Variants in TNC observed in about 807,000 individuals in gnomAD.
The protein encoded by TNC is tenascin.
A neutral mutation model predicts 202.4 loss-of-function variants in TNC; 109 were observed. The ratio of observed to expected loss-of-function variants is 0.54; its 90% CI spans 0.46 to 0.63. The LOEUF (loss-of-function observed/expected upper bound fraction) is 0.63, where lower values mean the gene tolerates loss of function less well. Ranked by LOEUF, TNC falls within the 30% of genes least tolerant of loss-of-function variation. The probability of loss-of-function intolerance (pLI) is 0.00; values close to 1 mark genes in which losing one functional copy is unlikely to be tolerated. For missense variants in TNC, 2,756 were observed against 2,833.3 expected (o/e 0.97, Z 0.62); for synonymous variants, 1,007 against 1,089.7 (o/e 0.92, Z 1.50).
rs140758879 is a variant in TNC at position 115,039,131 on chromosome 9, C to G, written c.5393-751G>C. Among the ~76,000 whole-genome samples the G allele has an allele frequency of 5.3e-3, 800 of 152,272 alleles. 8 individuals carry two copies. The highest frequency in any genetic ancestry group is 0.018 in the African/African-American group (753 of 41,576). On this transcript the variant is annotated intron_variant, in intron 19 of 27. Transcript: ENST00000350763. ...AGGCGTGAGTCACCGCACCTGGCCC[C>G]GAGCCTTTTCTGAGCTTTGAGTGGT...
chr9:115,111,418 T>TC (rs2134349400), intron 1 of TNC, among the ~76,000 whole-genome samples: 1 of 136,142 alleles, frequency 7.3e-6, no homozygotes, highest in Admixed American at 7.4e-5. Context: ...TTTTTTTTTT[T>TC]TTTTTTTGAG....
chr9:115,050,721 C>T (rs1221704248), intron 15 of TNC, among the ~76,000 whole-genome samples: 1 of 152,152 alleles, frequency 6.6e-6, no homozygotes, highest in Non-Finnish European at 1.5e-5. Flanking sequence ...AAGAACCTAG[C>T]ATGTATAAAA....
At chr9:115,040,821 C>G in intron 19 of TNC, 120 bp downstream of exon 19, 1 of 1,326,908 alleles carries the variant, frequency 7.5e-7, no homozygotes, top group Non-Finnish European at 1.0e-6. Context: ...TAAAACCCCC[C>G]TTTTTTTCCA....
chr9:115,043,819 C>T (rs548106034), intron 17 of TNC, among the ~76,000 whole-genome samples: 29 of 152,322 alleles, frequency 1.9e-4, no homozygotes, highest in African/African-American at 6.0e-4. Context: ...CTGGTGTACT[C>T]GCACTATTGC....
chr9:115,042,195 C>G (rs1402066792), intron 18 of TNC, 24 bp downstream of exon 18: 2 of 1,611,764 alleles, frequency 1.2e-6, no homozygotes, highest in African/African-American at 1.3e-5. Flanking sequence ...CTCCTCCTCT[C>G]TCTCCCCTTT....
chr9:115,046,633 G>A lies in TNC; in HGVS notation c.4902C>T (p.Asp1634=), dbSNP rs761059514. The A allele has an allele frequency of 2.5e-6, 4 of 1,613,732 alleles. No homozygotes were observed. The highest frequency in any genetic ancestry group is 2.7e-5 in the African/African-American group (2 of 74,876). ...CAGCTGTCCAGGACAGACGGAAACCGTCTGGGGTGGCATCTGAAACCAGAA... is the reference window on the plus strand; with the variant it reads ...CAGCTGTCCAGGACAGACGGAAACCATCTGGGGTGGCATCTGAAACCAGAA... ...DNLLVSDATP[D]GFRLSWTADE... is the part of the protein sequence containing the mutation. The change falls in exon 17 of 28, where the codon GAC becomes GAT. Residue 1634 remains aspartate (D), a synonymous_variant. Coordinates refer to ENST00000350763, the MANE Select transcript of TNC (RefSeq NM_002160.4).
At chr9:115,031,923 A>G (rs753208509) in intron 22 of TNC, among the ~76,000 whole-genome samples, 6 of 152,168 alleles carry the variant, frequency 3.9e-5, no homozygotes, top group Non-Finnish European at 5.9e-5. Flanking sequence ...AGTTAAAATA[A>G]TATAAGGAGG....
chr9:115,085,857 C>A lies in TNC; in HGVS notation c.1867+7G>T. On this transcript the variant is annotated splice_region_variant and intron_variant, in intron 3 of 27. Transcript: ENST00000350763. ...CATTATATGCTGGTCTGCGCCCTGG[C>A]ACTCACCCTCTGAGCAGTCTTCTCC... is the stretch of plus-strand genomic sequence containing the variant. 1 of 1,597,928 alleles carries A rather than the reference C, an allele frequency of 6.3e-7. No homozygotes were observed. The highest frequency in any genetic ancestry group is 8.6e-7 in the Non-Finnish European group (1 of 1,167,636).
chr9:115,108,345 C>A (rs1171056274), intron 1 of TNC, among the ~76,000 whole-genome samples: 3 of 152,162 alleles, frequency 2.0e-5, no homozygotes, highest in Non-Finnish European at 2.9e-5. Context: ...GAAAGTTGAA[C>A]AGATTAATTA....
chr9:115,108,234 A>G (rs928456072), intron 1 of TNC, among the ~76,000 whole-genome samples: 6 of 152,208 alleles, frequency 3.9e-5, no homozygotes, highest in Admixed American at 1.3e-4. Context: ...TTTAAAATCT[A>G]TGAAGCCTTG....
rs750051489 is a variant in TNC at position 115,024,063 on chromosome 9, G to C, written c.6405C>G (p.Asn2135Lys). 3 of 1,614,078 alleles carry C rather than the reference G, an allele frequency of 1.9e-6. No homozygotes were observed. The Admixed American group carries it at 5.0e-5, about 27-fold the overall frequency. ...AAGCCCCTTTGTAGGACAGAGCACA[G>C]TTGGTGATGGCTGAATCTGTGTCCT... ...FDKDTDSAIT[N>K]CALSYKGAFW... Residue 2135 changes from asparagine (N) to lysine (K), a missense_variant, in exon 27 of 28, where the codon AAC becomes AAG. This residue lies in a region of TNC where 197 missense variants were observed against 287.3 expected (regional missense o/e 0.69). Transcript: ENST00000350763.
In TNC at chr9:115,046,520, TC is replaced by T; in HGVS notation, c.5014del (p.Glu1672AsnfsTer6). 1 of 1,614,166 alleles carries T rather than the reference TC, an allele frequency of 6.2e-7. No homozygotes were observed. The highest frequency in any genetic ancestry group is 8.5e-7 in the Non-Finnish European group (1 of 1,180,006). ...GAGACCTGTTATGTCCCTGGTACGT[TC>T]GGGGGCAAGTAGGGTTATTTCCAGT... ...EPLEITLLAP[E>X]RTRDITGLRE... On this transcript the variant is annotated frameshift_variant, in exon 17 of 28. Coordinates refer to ENST00000350763, the MANE Select transcript of TNC (RefSeq NM_002160.4). LOFTEE classifies it high-confidence loss of function.
Position 115,062,958 on chromosome 9 carries a change from C to T in TNC, c.3992G>A (p.Arg1331Lys). The T allele has an allele frequency of 6.2e-7, 1 of 1,613,994 alleles. No individual in the cohort carries two copies. The highest frequency in any genetic ancestry group is 8.5e-7 in the Non-Finnish European group (1 of 1,179,958). The change falls in exon 13 of 28, where the codon AGG (arginine) becomes AAG (lysine). Residue 1331 changes from arginine to lysine, a missense_variant. By Grantham distance (26) the Arg-to-Lys change is conservative. This residue lies in a region of TNC where 2,559 missense variants were observed against 2,546.0 expected (regional missense o/e 1.01). Transcript: ENST00000350763. ...PYTVTLHGEV[R>K]GHSTRPLAVE... ...AGCAAGGGGTCGAGTGCTGTGGCCC[C>T]TGACCTCGCCGTGCAGGGTGACTGT...
At position 115,073,813 on chromosome 9, in the gene TNC, T is replaced by G; in HGVS notation, c.3004A>C (p.Thr1002Pro). 1 of 1,613,694 alleles carries G rather than the reference T, an allele frequency of 6.2e-7. No individual in the cohort carries two copies. Among genetic ancestry groups the G allele is most frequent in the Non-Finnish European group, 8.5e-7 (1 of 1,180,000 alleles). ...QVSETAETSL[T>P]LLWKTPLAKF... is the part of the protein sequence containing the mutation. ...GCCAACGGTGTCTTCCAGAGCAGGG[T>G]CAGGCTGGTCTCTGCAGTTTCAGAA... Residue 1002 changes from threonine (T) to proline (P), a missense_variant, in exon 10 of 28, where the codon ACC (threonine) becomes CCC (proline). By Grantham distance (38) the Thr-to-Pro change is conservative. Transcript: ENST00000350763.
At chr9:115,049,492 G>T (rs1350786933) in intron 15 of TNC, among the ~76,000 whole-genome samples, 1 of 152,106 alleles carries the variant, frequency 6.6e-6, no homozygotes, top group Non-Finnish European at 1.5e-5. Flanking sequence ...TCTGCTAGGT[G>T]CCTAAGCTGA....
rs777678427 is a variant in TNC at position 115,063,786 on chromosome 9, T to C, written c.3760+10A>G. ...GGGAGGAAGTGAATTAGTGAATTCG[T>C]CTAGAATACCTGTCAAGACTTCAAC... On this transcript the variant is annotated intron_variant, in intron 12 of 27. Coordinates refer to ENST00000350763, the MANE Select transcript of TNC (RefSeq NM_002160.4). 1 of 1,604,676 alleles carries C rather than the reference T, an allele frequency of 6.2e-7. No homozygotes were observed. The highest frequency in any genetic ancestry group is 1.1e-5 in the South Asian group (1 of 90,662).
At chr9:115,057,010 T>G in intron 15 of TNC, 143 bp downstream of exon 15, 1 of 960,506 alleles carries the variant, frequency 1.0e-6, no homozygotes. Flanking sequence ...AAAAGAGTTA[T>G]GTTAAACAGC....
intron 7 of TNC, among the ~76,000 whole-genome samples, chr9:115,077,613 A>G (rs1251454632): frequency 1.3e-5 from 2 of 152,236 alleles, no homozygotes. Context: ...TAGGAGGCTC[A>G]TTTGTCATAT....
chr9:115,110,785 C>T (rs760932595), intron 1 of TNC, among the ~76,000 whole-genome samples: 6 of 151,992 alleles, frequency 3.9e-5, no homozygotes, highest in Non-Finnish European at 7.4e-5. Flanking sequence ...TATGGCTAAC[C>T]AATGAGTTAA....
Sources: allele counts gnomAD v4.1 joint callset (sites outside exome capture counted in the v4.1 genomes callset), GRCh38; gene constraint gnomAD v4.1.1; regional missense constraint gnomAD v4.1.1; transcripts MANE v1.5; gene names NCBI Gene and HGNC (gene_info 2026-07-23, HGNC 2026-07-21).